MKNK2: variants seen among roughly 807,000 people sequenced by gnomAD.
The protein encoded by MKNK2 is MAP kinase-interacting serine/threonine-protein kinase 2.
A neutral mutation model predicts 55.0 loss-of-function variants in MKNK2; 54 were observed. The observed-to-expected ratio is 0.98, with a 90% confidence interval of 0.79 to 1.23. The LOEUF is 1.23. Ranked by LOEUF, MKNK2 falls within the 50% of genes most tolerant of loss-of-function variation. The pLI is 0.00. For synonymous variants in MKNK2, 323 were observed against 256.0 expected, an observed-to-expected ratio of 1.26 and a Z score of -2.50; for missense variants, 685 against 632.1, an observed-to-expected ratio of 1.08 and a Z score of -0.90.
chr19:2,046,120 T>A, intron 5 of MKNK2, 66 bp downstream of exon 5: 3 of 1,489,554 alleles, frequency 2.0e-6, no homozygotes, highest in South Asian at 1.1e-5. Context: ...TGCCACACAC[T>A]GTTTCCACCC....
rs768645967 is a variant in MKNK2 at position 2,039,610 on chromosome 19, G to A, written c.*3C>T. 6.8e-6 allele frequency: 11 copies of A among 1,608,216 alleles called. No homozygotes were observed. In the Admixed American group the frequency reaches 8.4e-5, roughly 12 times the overall value. Reference sequence around the variant, plus strand: ...ACCTATGTACAGAGGGGAGATGGGAGGGTCAGGCGTGGTCTCCCACCAGGA... The same window carrying A: ...ACCTATGTACAGAGGGGAGATGGGAAGGTCAGGCGTGGTCTCCCACCAGGA... On this transcript the variant is annotated 3_prime_UTR_variant, in exon 14 of 14. Transcript: ENST00000250896.
At position 2,040,206 on chromosome 19, in the gene MKNK2, T is replaced by G. The variant is rs1463544116; in HGVS notation, c.1111-29A>C. On this transcript the variant is annotated intron_variant, in intron 12 of 13. Transcript: ENST00000250896. Reference sequence around the variant, plus strand: ...CAACGAGAGTGGGCGGGGGCAGGGCTGGAGAGCAGCTGGGGCCGCCTGGGG... The same window carrying G: ...CAACGAGAGTGGGCGGGGGCAGGGCGGGAGAGCAGCTGGGGCCGCCTGGGG... The G allele has an allele frequency of 8.4e-6, 13 of 1,544,094 alleles. No individual in the cohort carries two copies. The East Asian group carries it at 3.0e-4, about 36-fold the overall frequency.
chr19:2,043,074 G>T (rs771462594), intron 7 of MKNK2, 50 bp downstream of exon 7: 1 of 1,523,820 alleles, frequency 6.6e-7, no homozygotes, highest in Non-Finnish European at 9.1e-7. Flanking sequence ...CCCCCATCCC[G>T]TAATACCTCC....
At position 2,042,619 on chromosome 19, in the gene MKNK2, C is replaced by T. The variant is rs1213355459; in HGVS notation, c.642G>A (p.Glu214=). ...RDLKPENILC[E]HPNQVSPVKI... is the part of the protein sequence containing the mutation. ...GGAACTGGCCTACCTGGTTGGGGTG[C>T]TCACAGAGGATGTTTTCCGGCTTTA... Residue 214 remains glutamate (E), a synonymous_variant, in exon 9 of 14, where the codon GAG becomes GAA. Coordinates refer to ENST00000250896, the MANE Select transcript of MKNK2 (RefSeq NM_199054.3). 2.6e-6 allele frequency: 4 copies of T among 1,565,374 alleles called. No homozygotes were observed. Among genetic ancestry groups the T allele is most frequent in the East Asian group, 2.3e-5 (1 of 42,766 alleles).
Position 2,038,159 on chromosome 19 carries a change from G to A in MKNK2, c.*1454C>T, listed in dbSNP as rs976081994. 1 of 1,041,728 alleles carries A rather than the reference G, an allele frequency of 9.6e-7. No homozygotes were observed. Among genetic ancestry groups the A allele is most frequent in the Non-Finnish European group, 1.2e-6 (1 of 867,520 alleles). The allele number at this position is 1,041,728 out of a possible 1,614,324, so 64.5% of individuals were successfully genotyped here. ...AGATTCAGGAGGGGCAGCAGGGCCA[G>A]GCAGACGGTCTCCGAGGCCCCCACC... On this transcript the variant is annotated 3_prime_UTR_variant, in exon 14 of 14. Coordinates refer to ENST00000250896, the MANE Select transcript of MKNK2 (RefSeq NM_199054.3).
chr19:2,050,902 G>A lies in MKNK2; in HGVS notation c.-51C>T. The A allele has an allele frequency of 2.1e-6, 3 of 1,415,214 alleles. No homozygotes were observed. The highest frequency in any genetic ancestry group is 2.8e-6 in the Non-Finnish European group (3 of 1,062,164). The allele number at this position is 1,415,214 out of a possible 1,614,324, so 87.7% of individuals were successfully genotyped here. A position where few individuals can be genotyped will look rare whatever the true frequency, so the allele number is the denominator to read the frequency against. ...GGAGGGGACCGAGGGCCCGGGGGGAGGCCCGAGGGCGGGCGGCCGGGCGGG... is the reference window on the plus strand; with the variant it reads ...GGAGGGGACCGAGGGCCCGGGGGGAAGCCCGAGGGCGGGCGGCCGGGCGGG... On this transcript the variant is annotated 5_prime_UTR_variant, in exon 2 of 14. Transcript: ENST00000250896.
Position 2,037,779 on chromosome 19 carries a change from C to A in MKNK2, c.*1834G>T, listed in dbSNP as rs148990484. The A allele has an allele frequency of 1.2e-6, 2 of 1,606,630 alleles. No homozygotes were observed. The highest frequency in any genetic ancestry group is 1.7e-5 in the Admixed American group (1 of 59,690). On this transcript the variant is annotated 3_prime_UTR_variant, in exon 14 of 14. Coordinates refer to ENST00000250896, the MANE Select transcript of MKNK2 (RefSeq NM_199054.3). Reference sequence around the variant, plus strand: ...AACGGTTCTGACCAGTCCTCCAGGTCGCACGTGGATGCGACAGGGGTGGGG... The same window carrying A: ...AACGGTTCTGACCAGTCCTCCAGGTAGCACGTGGATGCGACAGGGGTGGGG...
At chr19:2,046,305 G>GT in intron 4 of MKNK2, 22 bp from the exon 5 acceptor site, 1 of 1,603,160 alleles carries the variant, frequency 6.2e-7, no homozygotes. Flanking sequence ...CGGGGCGGGC[G>GT]TGAGAGGGAC....
Position 2,042,768 on chromosome 19 carries a change from T to C in MKNK2, c.596A>G (p.Lys199Arg). Residue 199 changes from lysine to arginine, a missense_variant and splice_region_variant, in exon 8 of 14, where the codon AAA becomes AGA. Lys to Arg is a conservative substitution (Grantham distance 26). Coordinates refer to ENST00000250896, the MANE Select transcript of MKNK2 (RefSeq NM_199054.3). ...VASALDFLHN[K>R]GIAHRDLKPE... is the part of the protein sequence containing the mutation. Reference sequence around the variant, plus strand: ...CTCCGGGCGGGGTCACCACCTACCTTTGTTATGCAGAAAGTCCAAGGCGCT... The same window carrying C: ...CTCCGGGCGGGGTCACCACCTACCTCTGTTATGCAGAAAGTCCAAGGCGCT... 1.3e-6 allele frequency: 2 copies of C among 1,573,644 alleles called. No individual in the cohort carries two copies. Among genetic ancestry groups the C allele is most frequent in the Non-Finnish European group, 1.7e-6 (2 of 1,157,760 alleles).
chr19:2,047,483 C>T (rs1009973327), intron 2 of MKNK2, among the ~76,000 whole-genome samples: 1 of 152,132 alleles, frequency 6.6e-6, no homozygotes, highest in Admixed American at 6.5e-5. Flanking sequence ...ATTGAGTCAC[C>T]GTGGGGCCCA....
rs1266215783 is a variant in MKNK2 at position 2,037,713 on chromosome 19, C to G, written c.*1900G>C. ...CCGTCCCCCAGCGATGGGAGCTGGC[C>G]TGGGGCCCAGGGTCCTCCAGGATCT... is the stretch of plus-strand genomic sequence containing the variant. On this transcript the variant is annotated 3_prime_UTR_variant, in exon 14 of 14. Transcript: ENST00000250896. The G allele has an allele frequency of 2.6e-6, 4 of 1,538,644 alleles. No individual in the cohort carries two copies. Among genetic ancestry groups the G allele is most frequent in the Non-Finnish European group, 3.5e-6 (4 of 1,131,140 alleles).
intron 2 of MKNK2, among the ~76,000 whole-genome samples, chr19:2,048,236 CA>C (rs2017040340): frequency 6.7e-6 from 1 of 150,306 alleles, no homozygotes; most frequent in African/African-American, 2.4e-5. Flanking sequence ...GGGGCTGGGT[CA>C]TTTCTTGACC....
chr19:2,045,067 C>T (rs966517336), intron 5 of MKNK2, among the ~76,000 whole-genome samples: 2 of 152,192 alleles, frequency 1.3e-5, no homozygotes, highest in African/African-American at 2.4e-5. Context: ...CCCAGGACAC[C>T]TCCTCCTCCC....
intron 2 of MKNK2, among the ~76,000 whole-genome samples, chr19:2,049,981 C>T (rs1414072973): frequency 1.3e-5 from 2 of 152,192 alleles, no homozygotes; most frequent in African/African-American, 2.4e-5. Context: ...CCTTCCCTAC[C>T]GGGCAACAGG....
In MKNK2 at chr19:2,041,785, G is replaced by A. The variant is rs2016889173; in HGVS notation, c.945+55C>T. 6.3e-6 allele frequency: 9 copies of A among 1,429,550 alleles called. No homozygotes were observed. The East Asian group carries it at 7.9e-5, about 13-fold the overall frequency. 88.6% of individuals were successfully genotyped at this position (1,429,550 alleles called of 1,614,324 possible). On this transcript the variant is annotated intron_variant, in intron 11 of 13. Coordinates refer to ENST00000250896, the MANE Select transcript of MKNK2 (RefSeq NM_199054.3). Reference sequence around the variant, plus strand: ...TCCCCTGGGGTTAGGGGGTGTTCAGGGCAGGCCCGGGGGAGGAGGGTGCCC... The same window carrying A: ...TCCCCTGGGGTTAGGGGGTGTTCAGAGCAGGCCCGGGGGAGGAGGGTGCCC...
At position 2,040,160 on chromosome 19, in the gene MKNK2, GGT is replaced by G; in HGVS notation, c.1126_1127del (p.Thr376LeufsTer22). ...TCTGCAGGACCATGGGAGTGGGCAA[GGT>G]GTTCTCCGGGGCGCACTGCAACGAG... The part of the protein sequence containing the change: ...PWVQGCAPEN[T>X]LPTPMVLQRN... On this transcript the variant is annotated frameshift_variant, in exon 13 of 14. Transcript: ENST00000250896. LOFTEE classifies it high-confidence loss of function. 1 of 1,591,222 alleles carries G rather than the reference GGT, an allele frequency of 6.3e-7. No individual in the cohort carries two copies. The highest frequency in any genetic ancestry group is 8.5e-7 in the Non-Finnish European group (1 of 1,170,746).
At position 2,040,121 on chromosome 19, in the gene MKNK2, C is replaced by A. The variant is rs369679152; in HGVS notation, c.1154+13G>T. On this transcript the variant is annotated intron_variant, in intron 13 of 13. Coordinates refer to ENST00000250896, the MANE Select transcript of MKNK2 (RefSeq NM_199054.3). ...CTGGACTCAGGGGTCCCGAGCACCC[C>A]TGCGGGCCTTACCTCTGCAGGACCA... 6 of 1,587,224 alleles carry A rather than the reference C, an allele frequency of 3.8e-6. No homozygotes were observed. The highest frequency in any genetic ancestry group is 2.7e-5 in the African/African-American group (2 of 74,820).
rs2017103236 is a variant in MKNK2, at chr19:2,050,882, G to A, written c.-31C>T. 3 of 1,502,468 alleles carry A rather than the reference G, an allele frequency of 2.0e-6. No individual in the cohort carries two copies. The highest frequency in any genetic ancestry group is 2.7e-6 in the Non-Finnish European group (3 of 1,125,292). 93.1% of individuals were successfully genotyped at this position (1,502,468 alleles called of 1,614,324 possible). A position where few individuals can be genotyped will look rare whatever the true frequency, so the allele number is the denominator to read the frequency against. On this transcript the variant is annotated 5_prime_UTR_variant, in exon 2 of 14. Coordinates refer to ENST00000250896, the MANE Select transcript of MKNK2 (RefSeq NM_199054.3). The stretch of plus-strand genomic sequence containing the variant: ...GTCCGGGCCCCGCCAGCGGGGGAGG[G>A]GACCGAGGGCCCGGGGGGAGGCCCG...
At chr19:2,043,653 C>T (rs1375316564) in intron 5 of MKNK2, 71 bp from the exon 6 acceptor site, 13 of 1,355,772 alleles carry the variant, frequency 9.6e-6, no homozygotes, top group Admixed American at 7.2e-5. Context: ...CCAGAAACTC[C>T]ACTGCCACGG....
Sources: allele counts gnomAD v4.1 joint callset (sites outside exome capture counted in the v4.1 genomes callset), GRCh38; gene constraint gnomAD v4.1.1; transcripts MANE v1.5; gene names NCBI Gene and HGNC (gene_info 2026-07-23, HGNC 2026-07-21).